Variants in ABCA13 observed in about 807,000 individuals in gnomAD.
The protein encoded by ABCA13 is ATP binding cassette subfamily A member 13, also known as ATP-binding cassette sub-family A member 13.
A neutral mutation model predicts 478.7 loss-of-function variants in ABCA13; 476 were observed. That is an observed-to-expected ratio of 0.99 (90% CI 0.92 to 1.07). ABCA13 has a LOEUF of 1.07. Ranked by LOEUF, ABCA13 falls within the 50% of genes least tolerant of loss-of-function variation. The pLI, the probability that ABCA13 is intolerant of heterozygous loss-of-function variation, is 0.00. For synonymous variants in ABCA13, 2,252 were observed against 2,158.9 expected, an observed-to-expected ratio of 1.04 and a Z score of -1.20; for missense variants, 6,060 against 5,910.6, an observed-to-expected ratio of 1.03 and a Z score of -0.83.
intron 55 of ABCA13, among the ~76,000 whole-genome samples, chr7:48,542,605 G>A (rs1286831765): frequency 1.3e-5 from 2 of 151,690 alleles, no homozygotes; most frequent in Non-Finnish European, 3.0e-5. Flanking sequence ...CACATGCAAG[G>A]TAATGAATAA....
rs2129097803 is a variant in ABCA13, at chr7:48,412,460, G to C, written c.12336G>C (p.Leu4112=). The change falls in exon 41 of 62, where the codon CTG becomes CTC. Residue 4112 remains leucine, a synonymous_variant. Coordinates refer to ENST00000435803, the MANE Select transcript of ABCA13 (RefSeq NM_152701.5). ...AFLKDSSGSE[L]TYTIPKDTDK... ...TCAAAGACAGCAGTGGAAGTGAGCT[G>C]ACCTACACCATTCCAAAGGACACAG... 6.2e-7 allele frequency: 1 copy of C among 1,613,472 alleles called. No individual in the cohort carries two copies. Among genetic ancestry groups the C allele is most frequent in the East Asian group, 2.2e-5 (1 of 44,776 alleles).
chr7:48,480,028 C>T (rs1462148025), intron 45 of ABCA13, among the ~76,000 whole-genome samples: 2 of 152,132 alleles, frequency 1.3e-5, no homozygotes, highest in African/African-American at 4.8e-5. Flanking sequence ...ATGGACCCTC[C>T]CTGGTCTTAA....
rs375008832 is a variant in ABCA13 at position 48,245,988 on chromosome 7, G to A, written c.1617G>A (p.Glu539=). ...TGTTGTGCTATTGTAACTCCTCTGA[G>A]ACGAGTGTTTTAAACAAGCTACTTG... is the stretch of plus-strand genomic sequence containing the variant. The part of the protein sequence containing the change: ...QGLLCYCNSS[E]TSVLNKLLGS... Residue 539 remains glutamate (E), a synonymous_variant, in exon 13 of 62, where the codon GAG becomes GAA. Coordinates refer to ENST00000435803, the MANE Select transcript of ABCA13 (RefSeq NM_152701.5). The A allele has an allele frequency of 1.2e-6, 2 of 1,613,646 alleles. No homozygotes were observed. Among genetic ancestry groups the A allele is most frequent in the Non-Finnish European group, 1.7e-6 (2 of 1,179,790 alleles).
intron 42 of ABCA13, among the ~76,000 whole-genome samples, chr7:48,453,235 ATTTT>A (rs33949393): frequency 8.3e-5 from 12 of 145,322 alleles, no homozygotes; most frequent in African/African-American, 2.8e-4. Flanking sequence ...GGAGATTGGG[ATTTT>A]TTTTTTTTTT....
chr7:48,619,241 G>A (rs972752722), intron 59 of ABCA13, among the ~76,000 whole-genome samples: 2 of 152,082 alleles, frequency 1.3e-5, no homozygotes. Context: ...GTATTAAAAA[G>A]CAAGTTCCTT....
At chr7:48,258,874 C>G (rs919105082) in intron 15 of ABCA13, among the ~76,000 whole-genome samples, 3 of 152,092 alleles carry the variant, frequency 2.0e-5, no homozygotes, top group Admixed American at 6.6e-5. Context: ...ACCTATAAGT[C>G]ATGCAGAAGC....
At chr7:48,361,079 G>A (rs1810749519) in intron 31 of ABCA13, among the ~76,000 whole-genome samples, 2 of 150,498 alleles carry the variant, frequency 1.3e-5, no homozygotes, top group Non-Finnish European at 2.9e-5. Context: ...CTGGGCAACA[G>A]AGTGAGACCC....
chr7:48,394,350 T>C (rs1200954699), intron 38 of ABCA13, among the ~76,000 whole-genome samples: 1 of 152,206 alleles, frequency 6.6e-6, no homozygotes, highest in African/African-American at 2.4e-5. Flanking sequence ...GGTGGATCCC[T>C]GAGCACACTG....
chr7:48,631,452 T>C (rs1233075606), intron 59 of ABCA13, among the ~76,000 whole-genome samples: 1 of 152,056 alleles, frequency 6.6e-6, no homozygotes, highest in Non-Finnish European at 1.5e-5. Flanking sequence ...TGCTAAAGAT[T>C]AGATAGTTGT....
At chr7:48,286,893 TTTTA>T (rs1275037393) in intron 19 of ABCA13, among the ~76,000 whole-genome samples, 1 of 152,178 alleles carries the variant, frequency 6.6e-6, no homozygotes. Flanking sequence ...TAAAAAAAGA[TTTTA>T]TTTCTTATAA....
rs545169287 is a variant in ABCA13, at chr7:48,253,298, A to G, written c.2005+3947A>G. Among the ~76,000 whole-genome samples the G allele has an allele frequency of 2.2e-4, 34 of 152,306 alleles. No individual in the cohort carries two copies. The South Asian group carries it at 5.2e-3, about 23-fold the overall frequency. On this transcript the variant is annotated intron_variant, in intron 15 of 61. Transcript: ENST00000435803. ...CTGTGCTCTACATCAGGCAAGACAG[A>G]AACCAGTCACTTCGGCAGCCCCTAG... is the stretch of plus-strand genomic sequence containing the variant.
intron 27 of ABCA13, among the ~76,000 whole-genome samples, chr7:48,331,125 TA>T (rs1424614711): frequency 5.3e-5 from 8 of 152,042 alleles, no homozygotes; most frequent in African/African-American, 1.9e-4. Flanking sequence ...ACAGAACAAA[TA>T]AACCCAGAGC....
chr7:48,225,393 A>C (rs1788064171), intron 5 of ABCA13, among the ~76,000 whole-genome samples: 1 of 152,100 alleles, frequency 6.6e-6, no homozygotes, highest in African/African-American at 2.4e-5. Context: ...ACTTCACTGT[A>C]TACTTCTGAA....
rs533668374 is a variant in ABCA13 at position 48,562,756 on chromosome 7, A to G, written c.14355-17468A>G. ...GTTTGTTACATGTTCAAAGGTACAT[A>G]TGCATCCTGAAACTGAAAGGCATAA... On this transcript the variant is annotated intron_variant, in intron 55 of 61. Coordinates refer to ENST00000435803, the MANE Select transcript of ABCA13 (RefSeq NM_152701.5). Among the ~76,000 whole-genome samples, 251 of 152,238 alleles carry G rather than the reference A, an allele frequency of 1.6e-3. 1 individual carries two copies. The highest frequency in any genetic ancestry group is 5.7e-3 in the African/African-American group (235 of 41,540).
chr7:48,301,243 C>A (rs1272697513), intron 23 of ABCA13, among the ~76,000 whole-genome samples: 1 of 152,032 alleles, frequency 6.6e-6, no homozygotes, highest in Non-Finnish European at 1.5e-5. Flanking sequence ...AATTTTTTTT[C>A]TTTCTGTTTC....
At position 48,314,374 on chromosome 7, in the gene ABCA13, A is replaced by G; in HGVS notation, c.9824A>G (p.Asp3275Gly). Reference protein sequence around the residue: ...NLPRVKELLEDDKEKFNIPED... With the variant: ...NLPRVKELLEGDKEKFNIPED... ...CCCAGAGTTAAGGAACTCTTGGAAGATGACAAAGAAAAATTCAACATTCCT... is the reference window on the plus strand; with the variant it reads ...CCCAGAGTTAAGGAACTCTTGGAAGGTGACAAAGAAAAATTCAACATTCCT... Residue 3275 changes from aspartate (D) to glycine (G), a missense_variant, in exon 26 of 62, where the codon GAT becomes GGT. This residue lies in a region of ABCA13 where 4,423 missense variants were observed against 4,309.1 expected (regional missense o/e 1.03). Transcript: ENST00000435803. 6.2e-7 allele frequency: 1 copy of G among 1,603,598 alleles called. No homozygotes were observed. The highest frequency in any genetic ancestry group is 8.5e-7 in the Non-Finnish European group (1 of 1,174,288).
At position 48,202,839 on chromosome 7, in the gene ABCA13, G is replaced by T. The variant is rs1562769212; in HGVS notation, c.287+4479G>T. Among the ~76,000 whole-genome samples, 4 of 152,264 alleles carry T rather than the reference G, an allele frequency of 2.6e-5. No individual in the cohort carries two copies. The South Asian group carries it at 8.3e-4, about 31-fold the overall frequency. On this transcript the variant is annotated intron_variant, in intron 3 of 61. Transcript: ENST00000435803. ...AGGCCCCACCAGACTCAGGAGCCCA[G>T]CTGGCTTCACCCAGTGGATCCCGCA...
intron 55 of ABCA13, among the ~76,000 whole-genome samples, chr7:48,549,425 A>G (rs896423738): frequency 6.6e-6 from 1 of 151,870 alleles, no homozygotes; most frequent in Non-Finnish European, 1.5e-5. Context: ...ATAGTATTCC[A>G]TGGAGTACAT....
At chr7:48,626,942 T>C in intron 59 of ABCA13, 1 of 985,310 alleles carries the variant, frequency 1.0e-6, no homozygotes, top group Non-Finnish European at 1.2e-6. Context: ...AAGTTGGGGG[T>C]GATTATTGCG....
Sources: gnomAD v4.1 joint callset for allele counts (sites outside exome capture counted in the v4.1 genomes callset) on GRCh38, gnomAD v4.1.1 for gene constraint, gnomAD v4.1.1 regional missense constraint, MANE v1.5 for transcripts, NCBI Gene and HGNC (gene_info 2026-07-23, HGNC 2026-07-21) for gene names.